DEF8: variants seen among roughly 807,000 people sequenced by gnomAD.
DEF8 encodes differentially expressed in FDCP 8 homolog, also known as DEF-8.
DEF8 carries 38 observed loss-of-function variants against 59.1 expected under a neutral mutation model. The observed-to-expected ratio is 0.64, with a 90% CI of 0.50 to 0.84. DEF8 has a LOEUF of 0.84. DEF8 is among the 40% of genes least tolerant of loss of function. The pLI is 0.00. For synonymous variants in DEF8, 265 were observed against 250.1 expected, an observed-to-expected ratio of 1.06 and a Z score of -0.56; for missense variants, 557 against 615.2, an observed-to-expected ratio of 0.91 and a Z score of 1.00.
At chr16:89,952,985 AG>A (rs2032468025) in intron 2 of DEF8, among the ~76,000 whole-genome samples, 1 of 152,256 alleles carries the variant, frequency 6.6e-6, no homozygotes. Context: ...GACCCTGAGC[AG>A]GGCCGTCCCC....
At chr16:89,953,611 G>A (rs935952433) in intron 2 of DEF8, among the ~76,000 whole-genome samples, 1 of 152,196 alleles carries the variant, frequency 6.6e-6, no homozygotes, top group East Asian at 1.9e-4. Flanking sequence ...TTCTCTGTGT[G>A]CTGGCAGGGA....
chr16:89,965,640 T>TG (rs2034541179), intron 12 of DEF8, among the ~76,000 whole-genome samples: 1 of 151,894 alleles, frequency 6.6e-6, no homozygotes, highest in Non-Finnish European at 1.5e-5. Flanking sequence ...CCTGTGTGGT[T>TG]GGGGGATAGC....
chr16:89,964,131 T>C (rs1479969094), intron 10 of DEF8, 39 bp from the exon 11 acceptor site: 25 of 1,613,612 alleles, frequency 1.5e-5, no homozygotes, highest in African/African-American at 1.2e-4. Flanking sequence ...GGAGGGGCCC[T>C]CCCCGGTGCA....
chr16:89,960,368 G>A (rs1255535502), intron 6 of DEF8, among the ~76,000 whole-genome samples: 1 of 152,166 alleles, frequency 6.6e-6, no homozygotes, highest in African/African-American at 2.4e-5. Context: ...GTCTGACTGA[G>A]TGCGGTGGCT....
chr16:89,953,046 T>C (rs768139218), intron 2 of DEF8, among the ~76,000 whole-genome samples: 9 of 152,180 alleles, frequency 5.9e-5, no homozygotes, highest in Admixed American at 2.0e-4. Context: ...GGATAAATCA[T>C]AGGATTGATT....
chr16:89,965,857 C>G lies in DEF8; in HGVS notation c.1254-4C>G, dbSNP rs1318895696. ...AGAGAGCCCCGACCTCTTTCTGCCC[C>G]CAGGGACTGCTACTACGACAACTCC... On this transcript the variant is annotated splice_polypyrimidine_tract_variant and splice_region_variant and intron_variant, in intron 12 of 12. Transcript: ENST00000563594. 6.2e-7 allele frequency: 1 copy of G among 1,610,220 alleles called. No homozygotes were observed. Among genetic ancestry groups the G allele is most frequent in the African/African-American group, 1.3e-5 (1 of 74,750 alleles).
At chr16:89,955,830 T>G (rs1474041599) in intron 4 of DEF8, among the ~76,000 whole-genome samples, 1 of 151,770 alleles carries the variant, frequency 6.6e-6, no homozygotes, top group Non-Finnish European at 1.5e-5. Flanking sequence ...CCCAGCACTT[T>G]GGGAGGCTGA....
Position 89,954,124 on chromosome 16 carries a change from CT to C in DEF8, c.-10-116del. ...AAGGCTGTGGTGTGAGGACTACCCACTTTAGGGAAGTGAAAGAGGCCAGCCT... is the reference window on the plus strand; with the variant it reads ...AAGGCTGTGGTGTGAGGACTACCCACTTAGGGAAGTGAAAGAGGCCAGCCT... On this transcript the variant is annotated intron_variant, in intron 2 of 12. Transcript: ENST00000563594. The surrounding 1 kb of genome is among the most constrained non-coding windows in gnomAD (Gnocchi z 4.3). 3 of 1,143,424 alleles carry C rather than the reference CT, an allele frequency of 2.6e-6. No homozygotes were observed. Among genetic ancestry groups the C allele is most frequent in the Non-Finnish European group, 3.8e-6 (3 of 798,256 alleles). The allele number at this position is 1,143,424 out of a possible 1,614,324, so 70.8% of individuals were successfully genotyped here. A position where few individuals can be genotyped will look rare whatever the true frequency, so the allele number is the denominator to read the frequency against.
At chr16:89,948,910 AGGGACGGGGCCGGCG>A (rs2031259375) in intron 1 of DEF8, 96 bp downstream of exon 1, 3 of 13,744 alleles carry the variant, frequency 2.2e-4, no homozygotes, top group African/African-American at 1.3e-3. Context: ...CGGGGCTGGG[AGGGACGGGGCCGGCG>A]GGGACGGGGT....
Position 89,963,409 on chromosome 16 carries a change from G to A in DEF8, c.968G>A (p.Cys323Tyr). ...CTCATGAAGCCGTACTTCATCACCT[G>A]CAGGGAGGCCATGGAGGCTCGTCTG... is the stretch of plus-strand genomic sequence containing the variant. ...ILLMKPYFIT[C>Y]REAMEARLLL... Residue 323 changes from cysteine to tyrosine, a missense_variant, in exon 10 of 13, where the codon TGC (cysteine) becomes TAC (tyrosine). Cys to Tyr is a radical substitution (Grantham distance 194). Transcript: ENST00000563594. 1 of 1,613,908 alleles carries A rather than the reference G, an allele frequency of 6.2e-7. No individual in the cohort carries two copies. The highest frequency in any genetic ancestry group is 1.1e-5 in the South Asian group (1 of 91,078).
rs771984446 is a variant in DEF8 at position 89,949,549 on chromosome 16, C to T, written c.-11+36C>T. ...ACAGGACGCTGTTGACTCCGCACAC[C>T]GGGGTGACTTCTCAGGTTCTCGGGG... On this transcript the variant is annotated intron_variant, in intron 2 of 12. Transcript: ENST00000563594. 4.0e-5 allele frequency: 64 copies of T among 1,613,212 alleles called. No homozygotes were observed. The South Asian group carries it at 4.5e-4, about 11-fold the overall frequency.
At chr16:89,955,668 T>G (rs1173054397) in intron 4 of DEF8, among the ~76,000 whole-genome samples, 2 of 152,224 alleles carry the variant, frequency 1.3e-5, no homozygotes, top group Non-Finnish European at 2.9e-5. Flanking sequence ...GCCCCTTGTC[T>G]GCCTCGTACT....
At chr16:89,963,800 G>A in intron 10 of DEF8, 1 of 486,586 alleles carries the variant, frequency 2.1e-6, no homozygotes, top group Admixed American at 3.3e-5. Context: ...AGGAATGCTT[G>A]CCCTTAGTGC....
In DEF8 at chr16:89,961,094, G is replaced by A. The variant is rs750710509; in HGVS notation, c.678G>A (p.Leu226=). 3 of 1,609,380 alleles carry A rather than the reference G, an allele frequency of 1.9e-6. No individual in the cohort carries two copies. Among genetic ancestry groups the A allele is most frequent in the Non-Finnish European group, 2.6e-6 (3 of 1,176,326 alleles). ...RCAECRAPIS[L]RGVPSEARQC... ...CCGAGTGCCGGGCGCCCATCTCTCT[G>A]CGTGAGTGGTGGCAGGGAGAGAAGA... Residue 226 remains leucine (L), a splice_region_variant and synonymous_variant, in exon 7 of 13, where the codon CTG becomes CTA. Coordinates refer to ENST00000563594, the MANE Select transcript of DEF8 (RefSeq NM_001242818.2).
rs550129780 is a variant in DEF8 at position 89,948,768 on chromosome 16, C to T, written c.-154C>T. ...GCTGGATCCAGCGTAGCGGGGCGGCCGGGCGGATCCAGCGCAGCCGGGAGA... is the reference window on the plus strand; with the variant it reads ...GCTGGATCCAGCGTAGCGGGGCGGCTGGGCGGATCCAGCGCAGCCGGGAGA... On this transcript the variant is annotated 5_prime_UTR_variant, in exon 1 of 13. Transcript: ENST00000563594. 1 of 982,954 alleles carries T rather than the reference C, an allele frequency of 1.0e-6. No homozygotes were observed. Among genetic ancestry groups the T allele is most frequent in the South Asian group, 4.6e-5 (1 of 21,840 alleles). The allele number at this position is 982,954 out of a possible 1,614,324, so 60.9% of individuals were successfully genotyped here.
rs151266039 is a variant in DEF8, at chr16:89,967,640, C to G, written c.*1677C>G. On this transcript the variant is annotated 3_prime_UTR_variant, in exon 13 of 13. Transcript: ENST00000563594. ...TGGGGCTGAGGAGGAGGTTAAAGGC[C>G]AAATGCTGTTTCCCAACACCCCAAA... The G allele has an allele frequency of 7.6e-4, 303 of 396,846 alleles. 2 individuals are homozygous for G. The highest frequency in any genetic ancestry group is 4.9e-3 in the African/African-American group (239 of 48,718). 24.6% of individuals were successfully genotyped at this position (396,846 alleles called of 1,614,324 possible). A position where few individuals can be genotyped will look rare whatever the true frequency, so the allele number is the denominator to read the frequency against.
Position 89,964,595 on chromosome 16 carries a change from C to CGCACT in DEF8, c.1253+21_1253+25dup. On this transcript the variant is annotated intron_variant, in intron 12 of 12. Coordinates refer to ENST00000563594, the MANE Select transcript of DEF8 (RefSeq NM_001242818.2). Reference sequence around the variant, plus strand: ...CCACAGGTGGGTGTGGCCTGGGCCCCGCACTCGGGGGCTGGGGCTCTGCGC... The same window carrying CGCACT: ...CCACAGGTGGGTGTGGCCTGGGCCCCGCACTGCACTCGGGGGCTGGGGCTCTGCGC... The CGCACT allele has an allele frequency of 6.5e-7, 1 of 1,536,044 alleles. No homozygotes were observed. Among genetic ancestry groups the CGCACT allele is most frequent in the Non-Finnish European group, 8.8e-7 (1 of 1,138,936 alleles).
intron 11 of DEF8, 65 bp downstream of exon 11, chr16:89,964,375 GCAGCC>G: frequency 6.5e-7 from 1 of 1,541,336 alleles, no homozygotes. Flanking sequence ...GGCAGGAGAA[GCAGCC>G]CAGCCCAGTG....
Position 89,953,211 on chromosome 16 carries a change from A to AGCGAGC in DEF8, c.-10-1031_-10-1026dup, listed in dbSNP as rs2032515808. Among the ~76,000 whole-genome samples the AGCGAGC allele has an allele frequency of 2.0e-5, 3 of 152,346 alleles. No individual in the cohort carries two copies. The East Asian group carries it at 5.8e-4, about 29-fold the overall frequency. Reference sequence around the variant, plus strand: ...TTTCTATAACATCAACAGACCTTACAGCGAGCTTACTTTGTGCTCAGTCTC... The same window carrying AGCGAGC: ...TTTCTATAACATCAACAGACCTTACAGCGAGCGCGAGCTTACTTTGTGCTCAGTCTC... On this transcript the variant is annotated intron_variant, in intron 2 of 12. Coordinates refer to ENST00000563594, the MANE Select transcript of DEF8 (RefSeq NM_001242818.2).
Sources: gnomAD v4.1 joint callset for allele counts (sites outside exome capture counted in the v4.1 genomes callset) on GRCh38, gnomAD v4.1.1 for gene constraint, Gnocchi (gnomAD v3.1) non-coding constraint, MANE v1.5 for transcripts, NCBI Gene and HGNC (gene_info 2026-07-23, HGNC 2026-07-21) for gene names.